ELP3: variants seen among roughly 807,000 people sequenced by gnomAD.
The protein encoded by ELP3 is elongator complex protein 3.
ELP3 carries 56 observed loss-of-function variants against 74.9 expected under a neutral mutation model. The ratio of observed to expected loss-of-function variants is 0.75; its 90% CI spans 0.60 to 0.93. ELP3 has a LOEUF of 0.93. Ranked by LOEUF, ELP3 falls within the 40% of genes least tolerant of loss-of-function variation. The pLI is 0.00. For missense variants in ELP3, 573 were observed against 686.5 expected (o/e 0.83, Z 1.85); for synonymous variants, 222 against 239.8 (o/e 0.93, Z 0.68).
chr8:28,124,687 G>C (rs776737948), intron 7 of ELP3, among the ~76,000 whole-genome samples: 8 of 151,946 alleles, frequency 5.3e-5, no homozygotes, highest in African/African-American at 1.2e-4. Flanking sequence ...CAAAATGATA[G>C]TTTTTGTCAG....
intron 10 of ELP3, among the ~76,000 whole-genome samples, chr8:28,138,998 G>A (rs1162134236): frequency 6.6e-6 from 1 of 152,182 alleles, no homozygotes; most frequent in Non-Finnish European, 1.5e-5. Flanking sequence ...GACATTAGGT[G>A]GTGCGGAGCA....
intron 12 of ELP3, among the ~76,000 whole-genome samples, chr8:28,159,735 TC>T (rs1234452726): frequency 6.6e-6 from 1 of 152,194 alleles, no homozygotes; most frequent in Non-Finnish European, 1.5e-5. Context: ...AGGCCACACT[TC>T]CTTGAAATTT....
chr8:28,115,992 C>T (rs1383225144), intron 7 of ELP3, among the ~76,000 whole-genome samples: 7 of 152,068 alleles, frequency 4.6e-5, no homozygotes, highest in Admixed American at 3.9e-4. Flanking sequence ...TTTGGATAGA[C>T]CTAAGAGTGG....
At chr8:28,183,206 T>TGGGGCA (rs1235266659) in intron 14 of ELP3, 7 of 462,034 alleles carry the variant, frequency 1.5e-5, no homozygotes, top group Non-Finnish European at 3.0e-5. Context: ...GTGGATGTCC[T>TGGGGCA]GGGGCAGAGG....
rs139345475 is a variant in ELP3 at position 28,145,648 on chromosome 8, A to G, written c.1100+7757A>G. On this transcript the variant is annotated intron_variant, in intron 10 of 14. Transcript: ENST00000256398. Reference sequence around the variant, plus strand: ...TTTTTTTGTTGTTGTTTTGAGACGAAGTCTAACCCTTGTCACCTAGGCTGG... The same window carrying G: ...TTTTTTTGTTGTTGTTTTGAGACGAGGTCTAACCCTTGTCACCTAGGCTGG... 2.3e-3 allele frequency among the ~76,000 whole-genome samples: 343 copies of G among 152,236 alleles called. 1 individual carries two copies. The highest frequency in any genetic ancestry group is 7.9e-3 in the African/African-American group (328 of 41,558).
At chr8:28,184,670 A>G (rs4732838) in intron 14 of ELP3, among the ~76,000 whole-genome samples, 79,106 of 151,972 alleles carry the variant, frequency 0.52, 20,806 homozygotes, top group Middle Eastern at 0.61. Flanking sequence ...ATGGTAGACA[A>G]ATATAGGTTG....
In ELP3 at chr8:28,137,690, A is replaced by C. The variant is rs979544000; in HGVS notation, c.907-8A>C. 8.7e-6 allele frequency: 14 copies of C among 1,611,918 alleles called. No individual in the cohort carries two copies. In the African/African-American group the frequency reaches 1.2e-4, roughly 14 times the overall value. Reference sequence around the variant, plus strand: ...ATGGAGAAGTCATTTTCTGTTCTCTATTCACAGGAGTTTTTTGAGAACCCT... The same window carrying C: ...ATGGAGAAGTCATTTTCTGTTCTCTCTTCACAGGAGTTTTTTGAGAACCCT... On this transcript the variant is annotated splice_polypyrimidine_tract_variant and splice_region_variant and intron_variant, in intron 9 of 14. Transcript: ENST00000256398.
intron 3 of ELP3, among the ~76,000 whole-genome samples, chr8:28,100,432 A>G (rs1009920192): frequency 1.3e-5 from 2 of 152,256 alleles, no homozygotes; most frequent in Non-Finnish European, 2.9e-5. Context: ...TGCTTGACCC[A>G]TAAGCCAAGA....
chr8:28,101,001 A>G (rs1297288896), intron 3 of ELP3, among the ~76,000 whole-genome samples: 4 of 152,296 alleles, frequency 2.6e-5, no homozygotes, highest in South Asian at 2.1e-4. Flanking sequence ...TATCTCCTGG[A>G]TCACCTTACG....
chr8:28,147,137 A>G lies in ELP3; in HGVS notation c.1101-8805A>G, dbSNP rs76280682. On this transcript the variant is annotated intron_variant, in intron 10 of 14. Coordinates refer to ENST00000256398, the MANE Select transcript of ELP3 (RefSeq NM_018091.6). This position sits in a 1 kb window ranked among gnomAD's most constrained non-coding sequence, Gnocchi z 4.5. ...TAGCAGCCTCCTGGGTCTTTTTATCATACAGTTCTGCTTACCAACACTGTA... is the reference window on the plus strand; with the variant it reads ...TAGCAGCCTCCTGGGTCTTTTTATCGTACAGTTCTGCTTACCAACACTGTA... 4.6e-3 allele frequency among the ~76,000 whole-genome samples: 702 copies of G among 152,352 alleles called. 4 individuals carry two copies. Among genetic ancestry groups the G allele is most frequent in the African/African-American group, 0.016 (650 of 41,584 alleles).
chr8:28,184,960 C>CA (rs1815175126), intron 14 of ELP3, among the ~76,000 whole-genome samples: 10 of 39,334 alleles, frequency 2.5e-4, no homozygotes, highest in Non-Finnish European at 1.8e-3. Flanking sequence ...AAGAGCAAAA[C>CA]TCCATCTCAA....
In ELP3 at chr8:28,161,991, G is replaced by A. The variant is rs369137840; in HGVS notation, c.1486-6G>A. On this transcript the variant is annotated splice_polypyrimidine_tract_variant and splice_region_variant and intron_variant, in intron 13 of 14. Coordinates refer to ENST00000256398, the MANE Select transcript of ELP3 (RefSeq NM_018091.6). ...AATTCCCACTCCCCATTGTTGCTCC[G>A]TGCAGGGATTTGGCATGCTGCTGAT... 7.2e-5 allele frequency: 116 copies of A among 1,613,804 alleles called. No homozygotes were observed. Among genetic ancestry groups the A allele is most frequent in the South Asian group, 1.6e-4 (15 of 91,072 alleles).
chr8:28,125,245 T>A (rs1197354934), intron 7 of ELP3, among the ~76,000 whole-genome samples: 1 of 152,242 alleles, frequency 6.6e-6, no homozygotes, highest in Non-Finnish European at 1.5e-5. Context: ...GAAGAGATTG[T>A]ATGTTGTGAC....
chr8:28,099,987 G>C, intron 3 of ELP3, 21 bp downstream of exon 3: 1 of 1,613,958 alleles, frequency 6.2e-7, no homozygotes, highest in Non-Finnish European at 8.5e-7. Flanking sequence ...CGACTCATGA[G>C]GTATCGACAC....
chr8:28,181,271 C>G (rs1815001403), intron 14 of ELP3, among the ~76,000 whole-genome samples: 1 of 152,218 alleles, frequency 6.6e-6, no homozygotes, highest in Non-Finnish European at 1.5e-5. Flanking sequence ...GACTCTTCTG[C>G]CCTGCCTCTA....
At chr8:28,100,834 G>A (rs1000377536) in intron 3 of ELP3, among the ~76,000 whole-genome samples, 3 of 152,176 alleles carry the variant, frequency 2.0e-5, no homozygotes, top group Admixed American at 6.5e-5. Flanking sequence ...GAAAAAAGAT[G>A]AGTGTGAGAT....
intron 14 of ELP3, among the ~76,000 whole-genome samples, chr8:28,165,066 C>T (rs571315897): frequency 5.3e-5 from 8 of 151,986 alleles, no homozygotes; most frequent in South Asian, 2.1e-4. Flanking sequence ...GTGGGGAGGA[C>T]GGGTGGCCAG....
intron 2 of ELP3, 106 bp from the exon 3 acceptor site, chr8:28,099,722 G>T: frequency 1.6e-6 from 2 of 1,222,298 alleles, no homozygotes; most frequent in Non-Finnish European, 2.4e-6. Flanking sequence ...CGTGGTGAAG[G>T]GATTGGAGAG....
chr8:28,125,026 A>G (rs1444278489), intron 7 of ELP3, among the ~76,000 whole-genome samples: 2 of 152,236 alleles, frequency 1.3e-5, no homozygotes, highest in Non-Finnish European at 2.9e-5. Context: ...AGTTAAGTCT[A>G]GAGCATCACT....
Sources: gnomAD v4.1 joint callset for allele counts (sites outside exome capture counted in the v4.1 genomes callset) on GRCh38, gnomAD v4.1.1 for gene constraint, Gnocchi (gnomAD v3.1) non-coding constraint, MANE v1.5 for transcripts, NCBI Gene and HGNC (gene_info 2026-07-23, HGNC 2026-07-21) for gene names.